The following CCDC47 variants were observed in gnomAD, a reference collection of about 807,000 sequenced individuals.
CCDC47 encodes coiled-coil domain containing 47.
In CCDC47, 41 loss-of-function variants were observed where a neutral mutation model predicts 60.5. The observed-to-expected ratio is 0.68, with a 90% CI of 0.53 to 0.88. The LOEUF (loss-of-function observed/expected upper bound fraction) is 0.88. Ranked by LOEUF, CCDC47 falls within the 40% of genes least tolerant of loss-of-function variation. CCDC47 has a pLI of 0.00. For missense variants in CCDC47, 513 were observed against 580.9 expected (o/e 0.88, Z 1.20); for synonymous variants, 195 against 190.7 (o/e 1.02, Z -0.18).
At chr17:63,761,499 G>A (rs925872212) in intron 4 of CCDC47, 148 bp from the exon 5 acceptor site, 7 of 609,614 alleles carry the variant, frequency 1.1e-5, no homozygotes, top group Admixed American at 8.2e-5. Context: ...GGCCAGCATG[G>A]TGAAACCCTG....
chr17:63,770,012 G>A (rs1216565893), intron 1 of CCDC47, among the ~76,000 whole-genome samples: 1 of 147,362 alleles, frequency 6.8e-6, no homozygotes, highest in African/African-American at 2.5e-5. Flanking sequence ...CCAGGTTGGA[G>A]TGTAGTGGCG....
chr17:63,765,672 C>A, intron 2 of CCDC47: 1 of 1,297,866 alleles, frequency 7.7e-7, no homozygotes, highest in Non-Finnish European at 9.8e-7. Flanking sequence ...CAATTCTCAC[C>A]CACAAACAGT....
intron 12 of CCDC47, among the ~76,000 whole-genome samples, chr17:63,749,837 C>G (rs753896103): frequency 2.6e-5 from 4 of 152,076 alleles, no homozygotes; most frequent in African/African-American, 4.8e-5. Context: ...CACCTGTATT[C>G]CCAGCATATT....
chr17:63,752,742 A>G lies in CCDC47; in HGVS notation c.1092T>C (p.Asn364=). The change falls in exon 10 of 13, where the codon AAT becomes AAC. Residue 364 remains asparagine (N), a splice_region_variant and synonymous_variant. Coordinates refer to ENST00000225726, the MANE Select transcript of CCDC47 (RefSeq NM_020198.3). ...CCAGAAAGGACCCAGAATACTTACC[A>G]TTAAATGTAAACAACAGTGTCCTCT... ...DTKRTLLFTF[N]VPGSGNTYPK... The G allele has an allele frequency of 6.2e-7, 1 of 1,611,648 alleles. No homozygotes were observed. The highest frequency in any genetic ancestry group is 1.3e-5 in the African/African-American group (1 of 74,870).
In CCDC47 at chr17:63,772,353, A is replaced by C. The variant is rs1168331864; in HGVS notation, c.-20+1059T>G. Among the ~76,000 whole-genome samples, 5 of 143,798 alleles carry C rather than the reference A, an allele frequency of 3.5e-5. No homozygotes were observed. The East Asian group carries it at 1.1e-3, about 30-fold the overall frequency. The allele number at this position is 143,798 out of a possible 152,430, so 94.3% of individuals were successfully genotyped here. On this transcript the variant is annotated intron_variant, in intron 1 of 12. Coordinates refer to ENST00000225726, the MANE Select transcript of CCDC47 (RefSeq NM_020198.3). ...ACTGCAAGCTCCGCCTCCCGGGTTC[A>C]CGCCATTCTTCTGCCTCAGCCTCCC...
Position 63,746,965 on chromosome 17 carries a change from G to C in CCDC47, c.1372-4C>G, listed in dbSNP as rs2039124915. The C allele has an allele frequency of 6.2e-7, 1 of 1,613,078 alleles. No individual in the cohort carries two copies. The highest frequency in any genetic ancestry group is 8.5e-7 in the Non-Finnish European group (1 of 1,179,438). ...GCTCACGCCTCAATGCAGCCTCCTA[G>C]AGAAAGAAGGGGTAATAAATAGAGA... On this transcript the variant is annotated splice_region_variant and splice_polypyrimidine_tract_variant and intron_variant, in intron 12 of 12. Coordinates refer to ENST00000225726, the MANE Select transcript of CCDC47 (RefSeq NM_020198.3).
intron 6 of CCDC47, among the ~76,000 whole-genome samples, chr17:63,760,088 A>G (rs2039246336): frequency 1.3e-5 from 2 of 149,124 alleles, no homozygotes; most frequent in Non-Finnish European, 1.5e-5. Flanking sequence ...AAAAGAAACA[A>G]TGAAGAAGGA....
At chr17:63,759,650 A>C (rs1305325779) in intron 6 of CCDC47, among the ~76,000 whole-genome samples, 1 of 145,780 alleles carries the variant, frequency 6.9e-6, no homozygotes, top group Non-Finnish European at 1.5e-5. Context: ...TTACTAACCA[A>C]ATACTATTTC....
intron 10 of CCDC47, among the ~76,000 whole-genome samples, 155 bp downstream of exon 10, chr17:63,752,586 G>A (rs2144473397): frequency 6.6e-6 from 1 of 151,788 alleles, no homozygotes; most frequent in South Asian, 2.1e-4. Context: ...ATATATAATA[G>A]GTAATTTCTT....
rs1568249173 is a variant in CCDC47 at position 63,759,546 on chromosome 17, T to A, written c.735+1368A>T. Reference sequence around the variant, plus strand: ...ATATATTTATATATATATATATATATATATATATATATATATATATATATA... The same window carrying A: ...ATATATTTATATATATATATATATAAATATATATATATATATATATATATA... On this transcript the variant is annotated intron_variant, in intron 6 of 12. Transcript: ENST00000225726. Among the ~76,000 whole-genome samples, 194 of 22,218 alleles carry A rather than the reference T, an allele frequency of 8.7e-3. 40 individuals carry two copies. Among genetic ancestry groups the A allele is most frequent in the African/African-American group, 0.029 (87 of 3,002 alleles). 14.6% of individuals were successfully genotyped at this position (22,218 alleles called of 152,430 possible). A position where few individuals can be genotyped will look rare whatever the true frequency, so the allele number is the denominator to read the frequency against.
intron 8 of CCDC47, among the ~76,000 whole-genome samples, chr17:63,755,938 A>G (rs571164810): frequency 6.6e-6 from 1 of 152,184 alleles, no homozygotes; most frequent in African/African-American, 2.4e-5. Context: ...AAAAAAAAAA[A>G]AAAGACTAAA....
At chr17:63,752,478 T>C in intron 10 of CCDC47, 49 bp from the exon 11 acceptor site, 1 of 1,265,042 alleles carries the variant, frequency 7.9e-7, no homozygotes, top group South Asian at 1.4e-5. Flanking sequence ...AGCATTAATA[T>C]TTCCAGGTCA....
chr17:63,765,824 A>G (rs1392307061), intron 2 of CCDC47, 88 bp downstream of exon 2: 1 of 1,421,692 alleles, frequency 7.0e-7, no homozygotes, highest in Non-Finnish European at 9.5e-7. Flanking sequence ...CAGACAGTAA[A>G]GGTCTCTTGA....
intron 6 of CCDC47, among the ~76,000 whole-genome samples, chr17:63,760,207 C>T (rs750018988): frequency 2.6e-5 from 4 of 151,976 alleles, no homozygotes; most frequent in African/African-American, 4.8e-5. Context: ...GGAGCTTATT[C>T]GGCCAGAAAC....
intron 12 of CCDC47, 127 bp from the exon 13 acceptor site, chr17:63,747,088 G>A: frequency 2.8e-6 from 4 of 1,409,946 alleles, no homozygotes; most frequent in Non-Finnish European, 3.7e-6. Flanking sequence ...CAAAAACTTA[G>A]GCTTGCACCA....
At chr17:63,767,493 T>C (rs2039305695) in intron 1 of CCDC47, among the ~76,000 whole-genome samples, 1 of 152,136 alleles carries the variant, frequency 6.6e-6, no homozygotes, top group Admixed American at 6.6e-5. Flanking sequence ...GGGAGACCAT[T>C]TGAGCTGAAA....
At chr17:63,752,455 C>T (rs1371182947) in intron 10 of CCDC47, 26 bp from the exon 11 acceptor site, 4 of 1,463,262 alleles carry the variant, frequency 2.7e-6, no homozygotes, top group Admixed American at 3.5e-5. Flanking sequence ...ATTTTTCCTA[C>T]TGAGTTAATG....
intron 2 of CCDC47, 80 bp downstream of exon 2, chr17:63,765,830 CTT>C: frequency 6.9e-7 from 1 of 1,459,710 alleles, no homozygotes; most frequent in Non-Finnish European, 9.3e-7. Flanking sequence ...GTAAAGGTCT[CTT>C]GAGCCTGAGG....
At chr17:63,768,246 G>A (rs1211604473) in intron 1 of CCDC47, among the ~76,000 whole-genome samples, 1 of 152,144 alleles carries the variant, frequency 6.6e-6, no homozygotes, top group Non-Finnish European at 1.5e-5. Context: ...ACTATGCCAA[G>A]ATAAAGCACA....
Sources: allele counts gnomAD v4.1 joint callset (sites outside exome capture counted in the v4.1 genomes callset), GRCh38; gene constraint gnomAD v4.1.1; transcripts MANE v1.5; gene names NCBI Gene and HGNC (gene_info 2026-07-23, HGNC 2026-07-21).